ADAMTS18: variants seen among roughly 807,000 people sequenced by gnomAD.
The protein encoded by ADAMTS18 is A disintegrin and metalloproteinase with thrombospondin motifs 18.
ADAMTS18 carries 157 observed loss-of-function variants against 165.9 expected under a neutral mutation model. The observed-to-expected ratio is 0.95, with a 90% confidence interval of 0.83 to 1.08. ADAMTS18 has a LOEUF of 1.08. Among genes scored for constraint, ADAMTS18 ranks in the 50% least tolerant of loss-of-function variants. ADAMTS18 has a pLI of 0.00. For synonymous variants in ADAMTS18, 782 were observed against 578.2 expected, an observed-to-expected ratio of 1.35 and a Z score of -5.06; for missense variants, 2,040 against 1,534.0, an observed-to-expected ratio of 1.33 and a Z score of -5.51.
chr16:77,382,676 A>G (rs1423188828), intron 3 of ADAMTS18, among the ~76,000 whole-genome samples: 3 of 152,208 alleles, frequency 2.0e-5, no homozygotes, highest in Non-Finnish European at 4.4e-5. Context: ...TTTCAAAGGA[A>G]GCTTAAGGTT....
chr16:77,307,384 T>G (rs191103894), intron 16 of ADAMTS18, among the ~76,000 whole-genome samples: 1 of 152,170 alleles, frequency 6.6e-6, no homozygotes, highest in Non-Finnish European at 1.5e-5. Flanking sequence ...GTGTGAGTGA[T>G]TGAATTTGAC....
intron 16 of ADAMTS18, among the ~76,000 whole-genome samples, chr16:77,301,283 A>G (rs973165366): frequency 6.6e-6 from 1 of 152,050 alleles, no homozygotes; most frequent in Non-Finnish European, 1.5e-5. Context: ...TCATTGAAAA[A>G]AAAAAAAACT....
At chr16:77,383,090 A>G (rs1055546809) in intron 3 of ADAMTS18, among the ~76,000 whole-genome samples, 43 of 152,056 alleles carry the variant, frequency 2.8e-4, no homozygotes, top group South Asian at 6.2e-4. Context: ...TAATCTCTTG[A>G]GCTCCTCTCT....
At chr16:77,433,571 CCT>C (rs1419409388) in intron 2 of ADAMTS18, 1 of 152,220 alleles carries the variant, frequency 6.6e-6, no homozygotes, top group Non-Finnish European at 1.5e-5. Context: ...GAAACTGCAG[CCT>C]CTCTGTTTGG....
At chr16:77,410,029 G>C (rs2057441104) in intron 3 of ADAMTS18, among the ~76,000 whole-genome samples, 1 of 151,942 alleles carries the variant, frequency 6.6e-6, no homozygotes, top group African/African-American at 2.4e-5. Context: ...ATTAAATTTT[G>C]ATGCTCTATA....
At chr16:77,399,633 A>G (rs2057300888) in intron 3 of ADAMTS18, among the ~76,000 whole-genome samples, 1 of 152,182 alleles carries the variant, frequency 6.6e-6, no homozygotes, top group South Asian at 2.1e-4. Context: ...TGGAGAAGAA[A>G]ACACTATACA....
chr16:77,294,430 C>A (rs549803333), intron 19 of ADAMTS18, among the ~76,000 whole-genome samples: 10 of 151,818 alleles, frequency 6.6e-5, no homozygotes, highest in African/African-American at 2.2e-4. Context: ...GAGCTGTGAA[C>A]GACAAGGTAG....
intron 16 of ADAMTS18, among the ~76,000 whole-genome samples, chr16:77,310,139 G>C (rs1306387969): frequency 5.3e-5 from 8 of 152,292 alleles, no homozygotes; most frequent in African/African-American, 9.6e-5. Flanking sequence ...CCTGGCTTCA[G>C]TGAAAGAAGC....
chr16:77,292,062 T>C (rs1038922781), intron 20 of ADAMTS18, among the ~76,000 whole-genome samples: 27 of 152,126 alleles, frequency 1.8e-4, no homozygotes, highest in African/African-American at 5.6e-4. Flanking sequence ...TCACAGCAGT[T>C]TGGAAGTCTG....
At chr16:77,320,118 CT>C in intron 15 of ADAMTS18, 25 bp from the exon 16 acceptor site, 1 of 1,613,864 alleles carries the variant, frequency 6.2e-7, no homozygotes, top group Non-Finnish European at 8.5e-7. Context: ...GAGAACATGT[CT>C]GAATTCCACC....
chr16:77,330,236 G>A (rs1232984966), intron 12 of ADAMTS18, among the ~76,000 whole-genome samples: 1 of 152,178 alleles, frequency 6.6e-6, no homozygotes, highest in Admixed American at 6.5e-5. Flanking sequence ...AGAGTTAGCA[G>A]ACAATTCTTT....
At chr16:77,348,105 C>T (rs192748450) in intron 10 of ADAMTS18, among the ~76,000 whole-genome samples, 142 of 152,142 alleles carry the variant, frequency 9.3e-4, no homozygotes, top group Non-Finnish European at 1.2e-3. Context: ...GACTCTAAAA[C>T]CAGGGCCTTT....
chr16:77,313,576 C>A (rs937832991), intron 16 of ADAMTS18, among the ~76,000 whole-genome samples: 14 of 151,406 alleles, frequency 9.2e-5, no homozygotes, highest in Admixed American at 4.6e-4. Flanking sequence ...AGACGAACAA[C>A]AGAAAAAATG....
intron 3 of ADAMTS18, among the ~76,000 whole-genome samples, chr16:77,368,839 G>A (rs944531716): frequency 4.6e-5 from 7 of 152,262 alleles, no homozygotes; most frequent in Non-Finnish European, 8.8e-5. Flanking sequence ...ATAATGAAGA[G>A]ACATATTTAC....
rs1193950229 is a variant in ADAMTS18, at chr16:77,434,868, C to T, written c.-173G>A. On this transcript the variant is annotated 5_prime_UTR_variant, in exon 1 of 23. Coordinates refer to ENST00000282849, the MANE Select transcript of ADAMTS18 (RefSeq NM_199355.4). ...GCGCTGGGACCTCCCCTCCTCCGGCCGCCTGCGCGCCCTCCCTTCTCCCGG... is the reference window on the plus strand; with the variant it reads ...GCGCTGGGACCTCCCCTCCTCCGGCTGCCTGCGCGCCCTCCCTTCTCCCGG... 10 of 470,006 alleles carry T rather than the reference C, an allele frequency of 2.1e-5. No individual in the cohort carries two copies. The highest frequency in any genetic ancestry group is 3.4e-5 in the Non-Finnish European group (10 of 291,452). The allele number at this position is 470,006 out of a possible 1,614,324, so 29.1% of individuals were successfully genotyped here.
chr16:77,363,582 A>G (rs2056747552), intron 6 of ADAMTS18, among the ~76,000 whole-genome samples: 1 of 151,232 alleles, frequency 6.6e-6, no homozygotes, highest in South Asian at 2.1e-4. Context: ...ATGTATACAT[A>G]TGCATATATA....
intron 8 of ADAMTS18, among the ~76,000 whole-genome samples, chr16:77,357,217 C>T (rs1392609): frequency 0.52 from 79,208 of 151,678 alleles, 21,218 homozygotes; most frequent in Non-Finnish European, 0.59. Flanking sequence ...AAATATGTTA[C>T]GATAAAAGAT....
chr16:77,371,996 C>T (rs1394680272), intron 3 of ADAMTS18, among the ~76,000 whole-genome samples: 2 of 152,072 alleles, frequency 1.3e-5, no homozygotes. Context: ...AAGACATATA[C>T]ATGGCCAACA....
intron 7 of ADAMTS18, among the ~76,000 whole-genome samples, chr16:77,360,249 G>T (rs79143353): frequency 6.6e-6 from 1 of 152,148 alleles, no homozygotes; most frequent in Admixed American, 6.5e-5. Context: ...CATCGTCATC[G>T]TCACTAAATA....
Sources: allele counts gnomAD v4.1 joint callset (sites outside exome capture counted in the v4.1 genomes callset), GRCh38; gene constraint gnomAD v4.1.1; transcripts MANE v1.5; gene names NCBI Gene and HGNC (gene_info 2026-07-23, HGNC 2026-07-21).